ITPR1: variants seen among roughly 807,000 people sequenced by gnomAD.
ITPR1 encodes the protein inositol 1,4,5-trisphosphate-gated calcium channel ITPR1.
ITPR1 carries 96 observed loss-of-function variants against 318.4 expected under a neutral mutation model. That is an observed-to-expected ratio of 0.30 (90% CI 0.26 to 0.36). The LOEUF (loss-of-function observed/expected upper bound fraction) is 0.36, where lower values mean the gene tolerates loss of function less well. Among genes scored for constraint, ITPR1 ranks in the 10% least tolerant of loss-of-function variants. The pLI is 1.00. For synonymous variants in ITPR1, 1,312 were observed against 1,289.9 expected, an observed-to-expected ratio of 1.02 and a Z score of -0.37; for missense variants, 2,440 against 3,460.2, an observed-to-expected ratio of 0.71 and a Z score of 7.40.
chr3:4,795,258 G>C lies in ITPR1; in HGVS notation c.6931+71G>C. The C allele has an allele frequency of 2.0e-6, 3 of 1,504,862 alleles. No homozygotes were observed. In the South Asian group the frequency reaches 3.8e-5, roughly 19 times the overall value. The allele number at this position is 1,504,862 out of a possible 1,614,324, so 93.2% of individuals were successfully genotyped here. A position where few individuals can be genotyped will look rare whatever the true frequency, so the allele number is the denominator to read the frequency against. The stretch of plus-strand genomic sequence containing the variant: ...AGGCTAGGACTTGCATCTCAGTTGT[G>C]GTTCCTGGATGTATTGGTGCAGTAC... On this transcript the variant is annotated intron_variant, in intron 53 of 61. Transcript: ENST00000649015.
rs1390758575 is a variant in ITPR1 at position 4,608,325 on chromosome 3, A to G, written c.164-19438A>G. On this transcript the variant is annotated intron_variant, in intron 4 of 61. Transcript: ENST00000649015. ...CACAGCCCTACAGGATTTGAGGCAG[A>G]GGTGTCAAGTGTAGAATTCCAGCCA... 2.0e-5 allele frequency among the ~76,000 whole-genome samples: 3 copies of G among 152,264 alleles called. No homozygotes were observed. In the East Asian group the frequency reaches 5.8e-4, roughly 29 times the overall value.
At chr3:4,598,094 G>T (rs1040228768) in intron 4 of ITPR1, among the ~76,000 whole-genome samples, 6 of 152,186 alleles carry the variant, frequency 3.9e-5, no homozygotes, top group Non-Finnish European at 7.4e-5. Flanking sequence ...CCTATGCAGG[G>T]TCTATGGGGC....
At chr3:4,512,331 C>G (rs1178262454) in intron 2 of ITPR1, among the ~76,000 whole-genome samples, 8 of 152,100 alleles carry the variant, frequency 5.3e-5, no homozygotes, top group Admixed American at 4.6e-4. Flanking sequence ...GTGAGACCAT[C>G]CATAGGCAGC....
chr3:4,812,973 A>G lies in ITPR1; in HGVS notation c.7469-169A>G, dbSNP rs1399335089. The G allele has an allele frequency of 7.9e-6, 5 of 631,306 alleles. No homozygotes were observed. In the East Asian group the frequency reaches 1.4e-4, roughly 18 times the overall value. 39.1% of individuals were successfully genotyped at this position (631,306 alleles called of 1,614,324 possible). On this transcript the variant is annotated intron_variant, in intron 56 of 61. Transcript: ENST00000649015. Reference sequence around the variant, plus strand: ...GACATTTTTGGCTTTTTTCCCATCCAGATCACCAAATGAAAGTGTAAATTG... The same window carrying G: ...GACATTTTTGGCTTTTTTCCCATCCGGATCACCAAATGAAAGTGTAAATTG...
intron 44 of ITPR1, among the ~76,000 whole-genome samples, chr3:4,746,241 C>T (rs1028435255): frequency 1.3e-5 from 2 of 152,208 alleles, no homozygotes; most frequent in African/African-American, 4.8e-5. Context: ...AGTGATGCCC[C>T]CCAAATGGAA....
At chr3:4,744,938 T>G (rs1363746388) in intron 44 of ITPR1, among the ~76,000 whole-genome samples, 1 of 99,964 alleles carries the variant, frequency 1.0e-5, no homozygotes. Flanking sequence ...CCTTCCTTCC[T>G]TCCTTCCTTC....
chr3:4,636,744 T>G (rs184925576), intron 5 of ITPR1, among the ~76,000 whole-genome samples: 1 of 152,382 alleles, frequency 6.6e-6, no homozygotes, highest in Admixed American at 6.5e-5. Flanking sequence ...TATCTTTCTT[T>G]TAAGAGAAGT....
chr3:4,839,142 A>G (rs1171765411), intron 61 of ITPR1, among the ~76,000 whole-genome samples: 1 of 152,212 alleles, frequency 6.6e-6, no homozygotes, highest in Non-Finnish European at 1.5e-5. Flanking sequence ...AGCCTGACCA[A>G]CATGGAGAAA....
intron 4 of ITPR1, among the ~76,000 whole-genome samples, chr3:4,620,065 C>A (rs968128071): frequency 2.0e-5 from 3 of 152,048 alleles, no homozygotes; most frequent in African/African-American, 2.4e-5. Flanking sequence ...AAGGTAAAAA[C>A]CACTCTGAGT....
intron 60 of ITPR1, among the ~76,000 whole-genome samples, chr3:4,828,696 C>T (rs115224831): frequency 9.9e-4 from 151 of 152,254 alleles, no homozygotes; most frequent in Non-Finnish European, 1.7e-3. Flanking sequence ...TCATCAGAAA[C>T]GGGTGTGGTT....
intron 44 of ITPR1, among the ~76,000 whole-genome samples, chr3:4,742,687 G>A (rs1197217023): frequency 1.3e-5 from 2 of 152,194 alleles, no homozygotes; most frequent in Middle Eastern, 3.2e-3. Context: ...TTGAACTCCT[G>A]GGCTCAAGCA....
intron 40 of ITPR1, among the ~76,000 whole-genome samples, chr3:4,717,776 C>T (rs746718655): frequency 3.5e-4 from 53 of 152,296 alleles, no homozygotes; most frequent in Non-Finnish European, 5.4e-4. Flanking sequence ...TGATACAAAA[C>T]GATACAACAG....
At chr3:4,575,031 C>T (rs150400065) in intron 4 of ITPR1, among the ~76,000 whole-genome samples, 302 of 152,294 alleles carry the variant, frequency 2.0e-3, no homozygotes, top group African/African-American at 6.9e-3. Context: ...CATGGGTGTA[C>T]GTTTATGAAA....
In ITPR1 at chr3:4,662,117, A is replaced by G. The variant is rs1213003818; in HGVS notation, c.1287A>G (p.Ala429=). ...GTSPVKEDKE[A]FAIVPVSPAE... The stretch of plus-strand genomic sequence containing the variant: ...CTCCTGTGAAGGAGGATAAGGAAGC[A>G]TTTGCCATAGTTCCGGTTTCTCCTG... Residue 429 remains alanine (A), a synonymous_variant, in exon 15 of 62, where the codon GCA becomes GCG. Transcript: ENST00000649015. 1.9e-6 allele frequency: 3 copies of G among 1,613,822 alleles called. No homozygotes were observed. Among genetic ancestry groups the G allele is most frequent in the Non-Finnish European group, 2.5e-6 (3 of 1,179,748 alleles).
intron 4 of ITPR1, among the ~76,000 whole-genome samples, chr3:4,587,074 A>T (rs968988218): frequency 2.0e-5 from 3 of 152,142 alleles, no homozygotes; most frequent in African/African-American, 7.2e-5. Flanking sequence ...AATATTTTTT[A>T]CATTTCCCTG....
intron 40 of ITPR1, among the ~76,000 whole-genome samples, chr3:4,717,762 C>T (rs2041876978): frequency 6.6e-6 from 1 of 152,178 alleles, no homozygotes; most frequent in African/African-American, 2.4e-5. Context: ...GTGAGTAAAG[C>T]ATCTGATACA....
In ITPR1 at chr3:4,670,352, T is replaced by A. The variant is rs527878161; in HGVS notation, c.2007-377T>A. Among the ~76,000 whole-genome samples, 3 of 152,194 alleles carry A rather than the reference T, an allele frequency of 2.0e-5. No homozygotes were observed. In the South Asian group the frequency reaches 6.2e-4, roughly 32 times the overall value. Reference sequence around the variant, plus strand: ...GTTTTGGGCTTGGGCTAATGCAGGGTTTTTCAGTTTAGGTATTTTCACATT... The same window carrying A: ...GTTTTGGGCTTGGGCTAATGCAGGGATTTTCAGTTTAGGTATTTTCACATT... On this transcript the variant is annotated intron_variant, in intron 19 of 61. Transcript: ENST00000649015.
intron 24 of ITPR1, among the ~76,000 whole-genome samples, chr3:4,678,663 C>A (rs1336466601): frequency 6.6e-6 from 1 of 152,114 alleles, no homozygotes; most frequent in Non-Finnish European, 1.5e-5. Context: ...GGAGTGGGGT[C>A]ATGTGACTCC....
intron 60 of ITPR1, among the ~76,000 whole-genome samples, chr3:4,827,965 A>G (rs964745980): frequency 1.3e-5 from 2 of 152,038 alleles, no homozygotes; most frequent in African/African-American, 4.8e-5. Flanking sequence ...CGAGACGGAT[A>G]ACATCTTCCA....
Sources: allele counts gnomAD v4.1 joint callset (sites outside exome capture counted in the v4.1 genomes callset), GRCh38; gene constraint gnomAD v4.1.1; transcripts MANE v1.5; gene names NCBI Gene and HGNC (gene_info 2026-07-23, HGNC 2026-07-21).